DAB1: variants seen among roughly 807,000 people sequenced by gnomAD.
DAB1 encodes disabled homolog 1.
Under a neutral mutation model 64.6 loss-of-function variants are expected in DAB1, and 15 were observed. The observed-to-expected ratio is 0.23, with a 90% CI of 0.16 to 0.36. The LOEUF (loss-of-function observed/expected upper bound fraction) is 0.36, where lower values mean the gene tolerates loss of function less well. DAB1 is among the 10% of genes least tolerant of loss of function. DAB1 has a pLI of 1.00. For synonymous variants in DAB1, 235 were observed against 251.9 expected, an observed-to-expected ratio of 0.93 and a Z score of 0.64; for missense variants, 596 against 706.7, an observed-to-expected ratio of 0.84 and a Z score of 1.78.
At chr1:58,023,876 T>A (rs1372491319) in intron 5 of DAB1, among the ~76,000 whole-genome samples, 2 of 152,126 alleles carry the variant, frequency 1.3e-5, no homozygotes, top group Non-Finnish European at 2.9e-5. Flanking sequence ...ATATGAACAT[T>A]AAGGCAGTTC....
At chr1:57,816,420 A>G (rs1651857198) in intron 6 of DAB1, among the ~76,000 whole-genome samples, 1 of 152,232 alleles carries the variant, frequency 6.6e-6, no homozygotes, top group Non-Finnish European at 1.5e-5. Flanking sequence ...TGGATAGAAC[A>G]ACACACAGCT....
chr1:57,565,297 A>C (rs1189029499), intron 7 of DAB1, among the ~76,000 whole-genome samples: 5 of 152,188 alleles, frequency 3.3e-5, no homozygotes, highest in Non-Finnish European at 4.4e-5. Flanking sequence ...AAGGAACAAC[A>C]GGTACCAGCC....
intron 3 of DAB1, among the ~76,000 whole-genome samples, chr1:58,465,460 C>T (rs1480109743): frequency 2.0e-5 from 3 of 152,210 alleles, no homozygotes; most frequent in Non-Finnish European, 4.4e-5. Flanking sequence ...ACAACGACGA[C>T]AAAATGTGCA....
chr1:58,354,560 AT>A (rs1644091153), intron 3 of DAB1, among the ~76,000 whole-genome samples: 2 of 152,172 alleles, frequency 1.3e-5, no homozygotes, highest in South Asian at 4.1e-4. Context: ...ATATGCAAAT[AT>A]TGGTCTTTTC....
At chr1:57,491,849 A>G (rs1350435535) in intron 7 of DAB1, among the ~76,000 whole-genome samples, 10 of 152,188 alleles carry the variant, frequency 6.6e-5, no homozygotes, top group Admixed American at 6.5e-4. Context: ...TTGATCGAGG[A>G]AGACTTTCTA....
chr1:57,329,133 C>T (rs1676429213), intron 1 of DAB1, among the ~76,000 whole-genome samples: 1 of 152,188 alleles, frequency 6.6e-6, no homozygotes, highest in South Asian at 2.1e-4. Context: ...ACAATGGCCC[C>T]CAAAGCAGCT....
At chr1:57,885,950 T>C (rs534561020), upstream of DAB1, among the ~76,000 whole-genome samples, 34 of 152,228 alleles carry the variant, frequency 2.2e-4, no homozygotes, top group South Asian at 6.2e-4. Context: ...ATTTCTACCC[T>C]CCTGCTTAAT....
chr1:57,368,549 C>G (rs1035308473), intron 1 of DAB1, among the ~76,000 whole-genome samples: 1 of 152,098 alleles, frequency 6.6e-6, no homozygotes, highest in Admixed American at 6.5e-5. Context: ...CCAGGTCCTC[C>G]TCTCTGCGGA....
chr1:57,142,597 G>GACAC (rs1557797167), intron 3 of DAB1, among the ~76,000 whole-genome samples: 2 of 56,526 alleles, frequency 3.5e-5, no homozygotes, highest in African/African-American at 7.4e-5. Flanking sequence ...TTCACTGCAG[G>GACAC]TCACACACAC....
chr1:57,326,953 T>TA (rs1676211920), intron 1 of DAB1, among the ~76,000 whole-genome samples: 2 of 148,994 alleles, frequency 1.3e-5, no homozygotes, highest in South Asian at 2.1e-4. Context: ...TTTATTTATT[T>TA]TTTGAGACAG....
At chr1:57,429,999 GA>G (rs1373022697) in intron 7 of DAB1, among the ~76,000 whole-genome samples, 1 of 151,970 alleles carries the variant, frequency 6.6e-6, no homozygotes, top group African/African-American at 2.4e-5. Flanking sequence ...TACATTCTAG[GA>G]TTTTTTTTCT....
At chr1:57,464,048 T>A (rs936368272) in intron 7 of DAB1, among the ~76,000 whole-genome samples, 5 of 152,222 alleles carry the variant, frequency 3.3e-5, no homozygotes, top group African/African-American at 1.2e-4. Flanking sequence ...TTGATTTTTT[T>A]CTTCGATCCT....
chr1:57,162,581 T>G (rs926690581), intron 2 of DAB1, among the ~76,000 whole-genome samples: 1 of 152,264 alleles, frequency 6.6e-6, no homozygotes, highest in Non-Finnish European at 1.5e-5. Context: ...AACTTTCTTC[T>G]GTAGCAGCTA....
At chr1:58,211,296 A>T (rs1251444573) in intron 4 of DAB1, among the ~76,000 whole-genome samples, 1 of 152,182 alleles carries the variant, frequency 6.6e-6, no homozygotes, top group East Asian at 1.9e-4. Flanking sequence ...ATCACAGCTA[A>T]AATTATTTTA....
intron 3 of DAB1, among the ~76,000 whole-genome samples, chr1:58,348,229 C>A (rs1005336096): frequency 6.6e-6 from 1 of 152,106 alleles, no homozygotes; most frequent in African/African-American, 2.4e-5. Flanking sequence ...TCCTTATTTA[C>A]CTTTGAATGA....
At chr1:58,026,599 C>T (rs1437286904) in intron 5 of DAB1, among the ~76,000 whole-genome samples, 3 of 152,154 alleles carry the variant, frequency 2.0e-5, no homozygotes, top group African/African-American at 7.2e-5. Context: ...AAATAGAAGA[C>T]TCCTGATTTA....
intron 5 of DAB1, among the ~76,000 whole-genome samples, chr1:57,917,309 C>A (rs952949385): frequency 2.0e-5 from 3 of 152,038 alleles, no homozygotes; most frequent in Non-Finnish European, 4.4e-5. Context: ...CCTAAAGGAT[C>A]CCAGACAGCC....
chr1:57,300,691 TG>T (rs1305135939), intron 1 of DAB1, among the ~76,000 whole-genome samples: 1 of 152,150 alleles, frequency 6.6e-6, no homozygotes, highest in Non-Finnish European at 1.5e-5. Flanking sequence ...GTAAACCCAG[TG>T]GTGTACAACC....
intron 2 of DAB1, among the ~76,000 whole-genome samples, chr1:57,148,459 T>C (rs1358714475): frequency 6.6e-6 from 1 of 152,240 alleles, no homozygotes; most frequent in African/African-American, 2.4e-5. Context: ...GTCTCAGTTA[T>C]ATTAGTTAAG....
Sources: allele counts gnomAD v4.1 joint callset (sites outside exome capture counted in the v4.1 genomes callset), GRCh38; gene constraint gnomAD v4.1.1; transcripts MANE v1.5; gene names NCBI Gene and HGNC (gene_info 2026-07-23, HGNC 2026-07-21).